B3GAT2: variants seen among roughly 807,000 people sequenced by gnomAD.
B3GAT2 encodes the protein beta-1,3-glucuronyltransferase 2.
In B3GAT2, 26 loss-of-function variants were observed where a neutral mutation model predicts 27.8. The observed-to-expected ratio is 0.93, with a 90% CI of 0.68 to 1.30. The LOEUF is 1.30. Among genes scored for constraint, B3GAT2 ranks in the 50% most tolerant of loss-of-function variants. B3GAT2 has a pLI of 0.00. For synonymous variants in B3GAT2, 218 were observed against 195.1 expected (o/e 1.12, Z -0.98); for missense variants, 458 against 459.0 (o/e 1.00, Z 0.02).
In B3GAT2 at chr6:70,875,192, C is replaced by T. The variant is rs114192820; in HGVS notation, c.737-13214G>A. Among the ~76,000 whole-genome samples, 630 of 152,132 alleles carry T rather than the reference C, an allele frequency of 4.1e-3. 2 individuals are homozygous for T. The highest frequency in any genetic ancestry group is 0.015 in the African/African-American group (602 of 41,512). On this transcript the variant is annotated intron_variant, in intron 2 of 3. Transcript: ENST00000230053. ...TTTGCAACCCCAAATCCCAGTACCA[C>T]ATTATAGGTAAGTATAGAAGAAAAA...
At chr6:70,915,497 G>C (rs1772757476) in intron 1 of B3GAT2, among the ~76,000 whole-genome samples, 1 of 152,130 alleles carries the variant, frequency 6.6e-6, no homozygotes, top group African/African-American at 2.4e-5. Context: ...ATGCACTGAA[G>C]GGTATTGCCT....
At chr6:70,916,660 G>A (rs570184503) in intron 1 of B3GAT2, among the ~76,000 whole-genome samples, 13 of 152,304 alleles carry the variant, frequency 8.5e-5, no homozygotes, top group African/African-American at 2.9e-4. Context: ...TAATCATGTG[G>A]TTTTTGTCGT....
intron 1 of B3GAT2, among the ~76,000 whole-genome samples, chr6:70,898,841 T>C (rs1200875252): frequency 1.3e-5 from 2 of 152,124 alleles, no homozygotes; most frequent in African/African-American, 2.4e-5. Context: ...TGTGTGCCTG[T>C]AGTTCCAGCT....
chr6:70,868,822 G>C (rs981339897), intron 2 of B3GAT2, among the ~76,000 whole-genome samples: 2 of 152,162 alleles, frequency 1.3e-5, no homozygotes, highest in African/African-American at 4.8e-5. Flanking sequence ...AGAAAGATAT[G>C]TGTGGGACCT....
At chr6:70,951,297 A>G (rs1262389142) in intron 1 of B3GAT2, among the ~76,000 whole-genome samples, 5 of 152,216 alleles carry the variant, frequency 3.3e-5, no homozygotes, top group Non-Finnish European at 7.4e-5. Flanking sequence ...CTTTTGCAGC[A>G]TGCCTTAAAA....
chr6:70,914,597 T>C (rs1359997422), intron 1 of B3GAT2, among the ~76,000 whole-genome samples: 1 of 152,162 alleles, frequency 6.6e-6, no homozygotes, highest in Non-Finnish European at 1.5e-5. Flanking sequence ...TTGAAACTAT[T>C]TTTATGATGT....
Position 70,926,038 on chromosome 6 carries a change from G to C in B3GAT2, c.591+29801C>G, listed in dbSNP as rs1394767438. The stretch of plus-strand genomic sequence containing the variant: ...GTGACACCCAGGCAAACAGCGTCTG[G>C]AGTAGACCTCCAGCAAACTCCAAAA... On this transcript the variant is annotated intron_variant, in intron 1 of 3. Coordinates refer to ENST00000230053, the MANE Select transcript of B3GAT2 (RefSeq NM_080742.3). 2.6e-5 allele frequency among the ~76,000 whole-genome samples: 4 copies of C among 152,168 alleles called. No homozygotes were observed. In the South Asian group the frequency reaches 8.3e-4, roughly 32 times the overall value.
intron 2 of B3GAT2, among the ~76,000 whole-genome samples, chr6:70,887,650 G>C (rs1772210879): frequency 6.6e-6 from 1 of 152,170 alleles, no homozygotes; most frequent in African/African-American, 2.4e-5. Flanking sequence ...ATTATAATGA[G>C]AGATGTACAA....
intron 1 of B3GAT2, among the ~76,000 whole-genome samples, chr6:70,911,497 G>A (rs1772688894): frequency 6.6e-6 from 1 of 152,032 alleles, no homozygotes; most frequent in Non-Finnish European, 1.5e-5. Flanking sequence ...CTATTCCATT[G>A]GTTTATGTGT....
At chr6:70,953,842 C>T (rs1376383952) in intron 1 of B3GAT2, among the ~76,000 whole-genome samples, 1 of 151,988 alleles carries the variant, frequency 6.6e-6, no homozygotes, top group Non-Finnish European at 1.5e-5. Flanking sequence ...TTATATTTTC[C>T]CCCATATGGA....
chr6:70,919,334 G>A (rs1036156332), intron 1 of B3GAT2, among the ~76,000 whole-genome samples: 3 of 152,114 alleles, frequency 2.0e-5, no homozygotes, highest in African/African-American at 4.8e-5. Context: ...GCTTCCTCGC[G>A]ATTGGTTAGA....
chr6:70,888,080 T>C (rs915714460), intron 2 of B3GAT2, among the ~76,000 whole-genome samples: 1 of 151,752 alleles, frequency 6.6e-6, no homozygotes, highest in Non-Finnish European at 1.5e-5. Flanking sequence ...CGAGGTGGAG[T>C]GGACACGGGA....
rs1771586075 is a variant in B3GAT2 at position 70,859,245 on chromosome 6, A to T, written c.*2418T>A. ...ATTGTATGTGCTAAGTGTCAGTCACATGGTCAACATGCTGAAGCACACCCA... is the reference window on the plus strand; with the variant it reads ...ATTGTATGTGCTAAGTGTCAGTCACTTGGTCAACATGCTGAAGCACACCCA... On this transcript the variant is annotated 3_prime_UTR_variant, in exon 4 of 4. Transcript: ENST00000230053. 2.2e-6 allele frequency: 2 copies of T among 902,708 alleles called. No individual in the cohort carries two copies. The highest frequency in any genetic ancestry group is 2.8e-5 in the Admixed American group (1 of 35,464). The allele number at this position is 902,708 out of a possible 1,614,324, so 55.9% of individuals were successfully genotyped here.
chr6:70,924,318 G>A (rs1313956691), intron 1 of B3GAT2, among the ~76,000 whole-genome samples: 2 of 152,044 alleles, frequency 1.3e-5, no homozygotes, highest in Non-Finnish European at 1.5e-5. Flanking sequence ...AGTTAATATT[G>A]CTAAATGTCA....
intron 2 of B3GAT2, among the ~76,000 whole-genome samples, chr6:70,890,093 T>G (rs1449109083): frequency 2.6e-5 from 4 of 152,078 alleles, no homozygotes; most frequent in Non-Finnish European, 5.9e-5. Flanking sequence ...GAAACCTAAC[T>G]TTGCTCAGAC....
At chr6:70,939,586 T>C in intron 1 of B3GAT2, among the ~76,000 whole-genome samples, 1 of 151,878 alleles carries the variant, frequency 6.6e-6, no homozygotes, top group Non-Finnish European at 1.5e-5. Flanking sequence ...GATGAGTTCA[T>C]GTCCTTTGCA....
At chr6:70,883,812 G>A (rs565689775) in intron 2 of B3GAT2, among the ~76,000 whole-genome samples, 1 of 152,138 alleles carries the variant, frequency 6.6e-6, no homozygotes, top group African/African-American at 2.4e-5. Context: ...TATTGTTGCT[G>A]GTGTTTTTCA....
chr6:70,863,231 G>GTTGA (rs1243767558), intron 2 of B3GAT2, among the ~76,000 whole-genome samples: 1 of 152,194 alleles, frequency 6.6e-6, no homozygotes, highest in African/African-American at 2.4e-5. Context: ...CATTAAATGA[G>GTTGA]TTGATTTATG....
Position 70,861,466 on chromosome 6 carries a change from T to TA in B3GAT2, c.*196dup, listed in dbSNP as rs1201863705. ...ATGCAGAACAAATGAAGACAAAACA[T>TA]ACATTTTGTACCAACCATCCAATTA... On this transcript the variant is annotated 3_prime_UTR_variant, in exon 4 of 4. Coordinates refer to ENST00000230053, the MANE Select transcript of B3GAT2 (RefSeq NM_080742.3). 1 of 575,020 alleles carries TA rather than the reference T, an allele frequency of 1.7e-6. No individual in the cohort carries two copies. Among genetic ancestry groups the TA allele is most frequent in the Non-Finnish European group, 3.1e-6 (1 of 323,126 alleles). The allele number at this position is 575,020 out of a possible 1,614,324, so 35.6% of individuals were successfully genotyped here. A position where few individuals can be genotyped will look rare whatever the true frequency, so the allele number is the denominator to read the frequency against.
Sources: allele counts gnomAD v4.1 joint callset (sites outside exome capture counted in the v4.1 genomes callset), GRCh38; gene constraint gnomAD v4.1.1; transcripts MANE v1.5; gene names NCBI Gene and HGNC (gene_info 2026-07-23, HGNC 2026-07-21).